Variants in EP400 observed in about 807,000 individuals in gnomAD.
EP400 encodes the protein E1A-binding protein p400.
In EP400, 105 loss-of-function variants were observed where a neutral mutation model predicts 354.1. The observed-to-expected ratio is 0.30, with a 90% CI of 0.25 to 0.35. The LOEUF (loss-of-function observed/expected upper bound fraction) is 0.35. Among genes scored for constraint, EP400 ranks in the 10% least tolerant of loss-of-function variants. The pLI is 1.00. For synonymous variants in EP400, 1,646 were observed against 1,716.9 expected, an observed-to-expected ratio of 0.96 and a Z score of 1.02; for missense variants, 3,280 against 4,121.0, an observed-to-expected ratio of 0.80 and a Z score of 5.59.
intron 32 of EP400, among the ~76,000 whole-genome samples, chr12:132,041,384 G>A (rs913465751): frequency 2.0e-5 from 3 of 152,226 alleles, no homozygotes; most frequent in African/African-American, 4.8e-5. Flanking sequence ...AGGATGCGGC[G>A]GGCTCCTCAG....
At chr12:132,055,067 C>A (rs774754898) in intron 44 of EP400, 32 bp from the exon 45 acceptor site, 4 of 1,613,692 alleles carry the variant, frequency 2.5e-6, no homozygotes, top group Non-Finnish European at 3.4e-6. Context: ...TTTCTCCTGG[C>A]GCTGTTGCCT....
intron 12 of EP400, among the ~76,000 whole-genome samples, chr12:132,001,616 T>C (rs1017296585): frequency 2.0e-5 from 3 of 152,014 alleles, no homozygotes; most frequent in Non-Finnish European, 1.5e-5. Context: ...AAAGGGAGAC[T>C]CCCTTTCCCG....
At position 132,038,196 on chromosome 12, in the gene EP400, C is replaced by T. The variant is rs1894778793; in HGVS notation, c.6207+100C>T. The T allele has an allele frequency of 6.7e-7, 1 of 1,485,552 alleles. No individual in the cohort carries two copies. The highest frequency in any genetic ancestry group is 9.1e-7 in the Non-Finnish European group (1 of 1,093,016). The allele number at this position is 1,485,552 out of a possible 1,614,324, so 92.0% of individuals were successfully genotyped here. A position where few individuals can be genotyped will look rare whatever the true frequency, so the allele number is the denominator to read the frequency against. On this transcript the variant is annotated intron_variant, in intron 32 of 52. Coordinates refer to ENST00000389561, the MANE Select transcript of EP400 (RefSeq NM_015409.5). This position sits in a 1 kb window ranked among gnomAD's most constrained non-coding sequence, Gnocchi z 4.2. The stretch of plus-strand genomic sequence containing the variant: ...TCTGGGTGCTCAGTCCCCACTCTTC[C>T]CTGGCCTGAAGCCCTCTTCCCGTCC...
At chr12:132,065,244 G>A (rs764201470) in intron 48 of EP400, 57 of 305,904 alleles carry the variant, frequency 1.9e-4, no homozygotes, top group Non-Finnish European at 3.1e-4. Context: ...CATGTAAGCC[G>A]TAGGCATGGG....
intron 5 of EP400, among the ~76,000 whole-genome samples, 175 bp from the exon 6 acceptor site, chr12:131,986,339 T>C (rs1016744702): frequency 1.3e-5 from 2 of 152,222 alleles, no homozygotes; most frequent in Non-Finnish European, 2.9e-5. Context: ...GATGTATTAT[T>C]TGTGGACACG....
At chr12:132,036,091 G>A (rs1894699586) in intron 30 of EP400, among the ~76,000 whole-genome samples, 4 of 151,002 alleles carry the variant, frequency 2.6e-5, no homozygotes, top group African/African-American at 9.8e-5. Context: ...GGTTCACACG[G>A]AATGTCGTGG....
At position 132,050,747 on chromosome 12, in the gene EP400, A is replaced by G. The variant is rs978488418; in HGVS notation, c.7394+92A>G. 2.0e-6 allele frequency: 3 copies of G among 1,508,544 alleles called. No individual in the cohort carries two copies. Among genetic ancestry groups the G allele is most frequent in the Non-Finnish European group, 2.8e-6 (3 of 1,087,572 alleles). 93.4% of individuals were successfully genotyped at this position (1,508,544 alleles called of 1,614,324 possible). A position where few individuals can be genotyped will look rare whatever the true frequency, so the allele number is the denominator to read the frequency against. On this transcript the variant is annotated intron_variant, in intron 41 of 52. Coordinates refer to ENST00000389561, the MANE Select transcript of EP400 (RefSeq NM_015409.5). The surrounding 1 kb of genome is among the most constrained non-coding windows in gnomAD (Gnocchi z 4.8). Reference sequence around the variant, plus strand: ...CAGTGAGTTCAGCAAATCGTTGTGCACTTAGCGTGTTCAGGCATCAGCTGG... The same window carrying G: ...CAGTGAGTTCAGCAAATCGTTGTGCGCTTAGCGTGTTCAGGCATCAGCTGG...
In EP400 at chr12:131,986,573, CACCTCTTCT is replaced by C. The variant is rs767915345; in HGVS notation, c.1995_2003del (p.Thr667_Ser669del). The C allele has an allele frequency of 2.0e-5, 33 of 1,614,050 alleles. No homozygotes were observed. Among genetic ancestry groups the C allele is most frequent in the Non-Finnish European group, 2.5e-5 (30 of 1,180,020 alleles). On this transcript the variant is annotated inframe_deletion, in exon 6 of 53. Transcript: ENST00000389561. The stretch of plus-strand genomic sequence containing the variant: ...CCCCGCCCTGCCCACGGCCTCTGCC[CACCTCTTCT>C]ACCTCGTCCCTCGCGCCTGTGAGTG...
rs573070326 is a variant in EP400 at position 132,013,077 on chromosome 12, C to T, written c.3510C>T (p.Thr1170=). 13 of 1,614,068 alleles carry T rather than the reference C, an allele frequency of 8.1e-6. No homozygotes were observed. The highest frequency in any genetic ancestry group is 6.7e-5 in the East Asian group (3 of 44,878). Reference sequence around the variant, plus strand: ...ACACTCAGTTCTTCCGGGGCCTCACCGCCTTCACACGAGTGCGCTGGAAGT... The same window carrying T: ...ACACTCAGTTCTTCCGGGGCCTCACTGCCTTCACACGAGTGCGCTGGAAGT... The part of the protein sequence containing the change: ...TSYTQFFRGL[T]AFTRVRWKCL... The change falls in exon 17 of 53, where the codon ACC becomes ACT. Residue 1170 remains threonine (T), a synonymous_variant. Coordinates refer to ENST00000389561, the MANE Select transcript of EP400 (RefSeq NM_015409.5). The surrounding 1 kb of genome is among the most constrained non-coding windows in gnomAD (Gnocchi z 4.5).
At chr12:131,997,970 T>G (rs1271664975) in intron 12 of EP400, among the ~76,000 whole-genome samples, 1 of 152,240 alleles carries the variant, frequency 6.6e-6, no homozygotes, top group Non-Finnish European at 1.5e-5. Context: ...CTGCTTTTAC[T>G]CTTAGGTTGT....
rs1892860821 is a variant in EP400 at position 131,986,557 on chromosome 12, G to A, written c.1973G>A (p.Cys658Tyr). ...CTCCCTGTGGACCCTGCCCCGCCCT[G>A]CCCACGGCCTCTGCCCACCTCTTCT... ...TRLPVDPAPP[C>Y]PRPLPTSSTS... The change falls in exon 6 of 53, where the codon TGC (cysteine) becomes TAC (tyrosine). Residue 658 changes from cysteine (C) to tyrosine (Y), a missense_variant. Cys to Tyr is a radical substitution (Grantham distance 194, BLOSUM62 -2). Around this residue, in one of 20 missense-constraint regions of EP400, gnomAD observed 800 missense variants for 840.0 expected, o/e 0.95. Coordinates refer to ENST00000389561, the MANE Select transcript of EP400 (RefSeq NM_015409.5). 1 of 1,613,572 alleles carries A rather than the reference G, an allele frequency of 6.2e-7. No homozygotes were observed.
At position 132,066,773 on chromosome 12, in the gene EP400, G is replaced by T; in HGVS notation, c.8554-1G>T. ...ACTCTCCCATTATTTCTACTGTTTAGACCCGGGTTCCCACTTCTCAGCTGC... is the reference window on the plus strand; with the variant it reads ...ACTCTCCCATTATTTCTACTGTTTATACCCGGGTTCCCACTTCTCAGCTGC... On this transcript the variant is annotated splice_acceptor_variant, in intron 48 of 52. Coordinates refer to ENST00000389561, the MANE Select transcript of EP400 (RefSeq NM_015409.5). LOFTEE classifies it high-confidence loss of function. 2 of 1,613,574 alleles carry T rather than the reference G, an allele frequency of 1.2e-6. No homozygotes were observed. The highest frequency in any genetic ancestry group is 1.1e-5 in the South Asian group (1 of 91,000).
rs1892379139 is a variant in EP400, at chr12:131,973,860, T to G, written c.1336-5834T>G. On this transcript the variant is annotated intron_variant, in intron 2 of 52. Coordinates refer to ENST00000389561, the MANE Select transcript of EP400 (RefSeq NM_015409.5). ...TAATATTATTATGGTTATTTATGTC[T>G]TATAAAAACCTCCTGATTGGAGCAT... Among the ~76,000 whole-genome samples, 3 of 152,322 alleles carry G rather than the reference T, an allele frequency of 2.0e-5. No individual in the cohort carries two copies. In the South Asian group the frequency reaches 6.2e-4, roughly 32 times the overall value.
In EP400 at chr12:132,079,327, A is replaced by T. The variant is rs1896320652; in HGVS notation, c.*1654A>T. 1 of 152,274 alleles carries T rather than the reference A, an allele frequency of 6.6e-6. No individual in the cohort carries two copies. The highest frequency in any genetic ancestry group is 6.5e-5 in the Admixed American group (1 of 15,292). 9.4% of individuals were successfully genotyped at this position (152,274 alleles called of 1,614,324 possible). On this transcript the variant is annotated 3_prime_UTR_variant, in exon 53 of 53. Coordinates refer to ENST00000389561, the MANE Select transcript of EP400 (RefSeq NM_015409.5). ...TGAACATACCAAAGCAGAGGACTGG[A>T]ATCTGTTTGTTCTAACCAACCCGTT...
At chr12:132,006,926 C>T (rs772939745) in intron 15 of EP400, 49 bp downstream of exon 15, 2 of 1,602,936 alleles carry the variant, frequency 1.2e-6, no homozygotes, top group Middle Eastern at 1.7e-4. Context: ...TAGGACTTAC[C>T]TATAGGCCAG....
intron 23 of EP400, 89 bp downstream of exon 23, chr12:132,021,410 T>G: frequency 7.1e-7 from 1 of 1,416,402 alleles, no homozygotes; most frequent in South Asian, 1.5e-5. Context: ...GGAGCCTTGC[T>G]GTCCACTCCT....
intron 35 of EP400, 63 bp downstream of exon 35, chr12:132,044,374 G>A: frequency 1.9e-6 from 3 of 1,560,844 alleles, no homozygotes; most frequent in Non-Finnish European, 2.6e-6. Flanking sequence ...GTGCAGCCAT[G>A]TTTGGCTTGT....
At chr12:131,981,077 G>T (rs1204615878) in intron 3 of EP400, among the ~76,000 whole-genome samples, 1 of 152,076 alleles carries the variant, frequency 6.6e-6, no homozygotes, top group African/African-American at 2.4e-5. Flanking sequence ...TCTGATATGG[G>T]TTTCTTTAGT....
At chr12:132,042,770 C>G (rs748650018) in intron 32 of EP400, among the ~76,000 whole-genome samples, 1 of 152,250 alleles carries the variant, frequency 6.6e-6, no homozygotes, top group Non-Finnish European at 1.5e-5. Flanking sequence ...TCTCGTCATT[C>G]TAACTTGTGT....
Sources: gnomAD v4.1 joint callset for allele counts (sites outside exome capture counted in the v4.1 genomes callset) on GRCh38, gnomAD v4.1.1 for gene constraint, gnomAD v4.1.1 regional missense constraint, Gnocchi (gnomAD v3.1) non-coding constraint, MANE v1.5 for transcripts, NCBI Gene and HGNC (gene_info 2026-07-23, HGNC 2026-07-21) for gene names.